The following PCDH11X variants were observed in gnomAD, a reference collection of about 807,000 sequenced individuals.
The protein encoded by PCDH11X is protocadherin-11 X-linked.
In PCDH11X, 18 loss-of-function variants were observed where a neutral mutation model predicts 53.3. That is an observed-to-expected ratio of 0.34 (90% CI 0.23 to 0.50). The LOEUF (loss-of-function observed/expected upper bound fraction) is 0.50. PCDH11X is among the 20% of genes least tolerant of loss of function. PCDH11X has a pLI of 0.98. For missense variants in PCDH11X, 570 were observed against 1,032.4 expected (o/e 0.55, Z 6.14); for synonymous variants, 279 against 393.3 (o/e 0.71, Z 3.44).
At chrX:91,799,327 T>C (rs1183761498) in intron 1 of PCDH11X, among the ~76,000 whole-genome samples, 1 of 111,811 alleles carries the variant, frequency 8.9e-6, no homozygotes, top group African/African-American at 3.2e-5. Flanking sequence ...CTAATTCTGT[T>C]AAGTAAAAGA....
intron 6 of PCDH11X, among the ~76,000 whole-genome samples, chrX:92,059,602 G>A (rs1399383133): frequency 3.6e-5 from 4 of 110,904 alleles, no homozygotes; most frequent in African/African-American, 1.3e-4. Flanking sequence ...AGAAATTCCA[G>A]CAACTAAATC....
chrX:92,440,178 T>C (rs1200126370), intron 9 of PCDH11X, among the ~76,000 whole-genome samples: 1 of 106,821 alleles, frequency 9.4e-6, no homozygotes, highest in Non-Finnish European at 1.9e-5. Context: ...TTAGAAGTTT[T>C]ATTTTAGATT....
At chrX:92,061,387 G>A (rs1489646712) in intron 6 of PCDH11X, among the ~76,000 whole-genome samples, 12 of 111,004 alleles carry the variant, frequency 1.1e-4, no homozygotes, top group African/African-American at 4.0e-4. Flanking sequence ...TTGGCGAATT[G>A]TAATAAAATC....
intron 8 of PCDH11X, among the ~76,000 whole-genome samples, chrX:92,316,210 T>C (rs2148487380): frequency 9.3e-6 from 1 of 107,691 alleles, no homozygotes; most frequent in Admixed American, 1.0e-4. Context: ...GGCAAATAAA[T>C]TATACATTAT....
rs762241751 is a variant in PCDH11X, at chrX:91,791,498, A to C, written c.-379+11814A>C. Among the ~76,000 whole-genome samples, 6 of 107,799 alleles carry C rather than the reference A, an allele frequency of 5.6e-5. No homozygotes were observed. In the South Asian group the frequency reaches 2.5e-3, roughly 45 times the overall value. The allele number at this position is 107,799 out of a possible 115,157, so 93.6% of individuals were successfully genotyped here. Reference sequence around the variant, plus strand: ...CTCACTCACTATCACAAGAACAGCAAGGGGAAAATCCACCCCCATGATCCT... The same window carrying C: ...CTCACTCACTATCACAAGAACAGCACGGGGAAAATCCACCCCCATGATCCT... On this transcript the variant is annotated intron_variant, in intron 1 of 10. Transcript: ENST00000682573.
chrX:92,435,506 A>T (rs1322427986), intron 9 of PCDH11X, among the ~76,000 whole-genome samples: 4 of 111,267 alleles, frequency 3.6e-5, no homozygotes, highest in African/African-American at 9.8e-5. Context: ...CTGAGGTCAA[A>T]ATGAAAGAAA....
chrX:91,888,943 ATATAT>A (rs764272832), intron 6 of PCDH11X, among the ~76,000 whole-genome samples: 6 of 111,753 alleles, frequency 5.4e-5, no homozygotes, highest in African/African-American at 1.3e-4. Flanking sequence ...CATTTCAATG[ATATAT>A]TATAACTAAA....
At chrX:92,302,226 C>A (rs1235820151) in intron 8 of PCDH11X, among the ~76,000 whole-genome samples, 1 of 111,138 alleles carries the variant, frequency 9.0e-6, no homozygotes, top group Non-Finnish European at 1.9e-5. Flanking sequence ...AAAGATAGCA[C>A]TCCCACTGGG....
intron 10 of PCDH11X, among the ~76,000 whole-genome samples, chrX:92,613,517 C>A (rs1345473995): frequency 2.1e-5 from 2 of 93,772 alleles, no homozygotes; most frequent in Non-Finnish European, 4.2e-5. Flanking sequence ...TCTCTAGTTG[C>A]CTTTAAGTTT....
At chrX:92,520,984 A>G (rs1872757875) in intron 10 of PCDH11X, among the ~76,000 whole-genome samples, 1 of 111,046 alleles carries the variant, frequency 9.0e-6, no homozygotes, top group African/African-American at 3.3e-5. Flanking sequence ...TTCTCTTGCT[A>G]TTTCTACCAC....
At chrX:91,855,731 A>G (rs1453807421) in intron 5 of PCDH11X, among the ~76,000 whole-genome samples, 25 of 110,607 alleles carry the variant, frequency 2.3e-4, no homozygotes, top group African/African-American at 7.6e-4. Context: ...GGATAAGTTA[A>G]TTCCTAGGTA....
At chrX:92,240,303 A>G (rs1289690164) in intron 7 of PCDH11X, among the ~76,000 whole-genome samples, 3 of 111,904 alleles carry the variant, frequency 2.7e-5, no homozygotes, top group Non-Finnish European at 5.6e-5. Flanking sequence ...TCCTTGATGC[A>G]CGGCTTTCAA....
At chrX:92,543,721 T>G (rs185633216) in intron 10 of PCDH11X, among the ~76,000 whole-genome samples, 1,955 of 105,367 alleles carry the variant, frequency 0.019, 14 homozygotes, top group Middle Eastern at 0.044. Context: ...GAGGTTGCAG[T>G]GAGCCGAGAT....
chrX:91,888,276 C>G (rs1277061670), intron 6 of PCDH11X, among the ~76,000 whole-genome samples: 1 of 111,737 alleles, frequency 8.9e-6, no homozygotes, highest in African/African-American at 3.2e-5. Context: ...TATCCCTTAT[C>G]CTAGAACCTT....
At chrX:92,556,626 G>C (rs1426530877) in intron 10 of PCDH11X, among the ~76,000 whole-genome samples, 1 of 112,054 alleles carries the variant, frequency 8.9e-6, no homozygotes, top group African/African-American at 3.2e-5. Flanking sequence ...GTAGGGTACA[G>C]CCCTGCTCTG....
At chrX:92,257,928 C>G (rs1049692542) in intron 7 of PCDH11X, among the ~76,000 whole-genome samples, 4 of 111,948 alleles carry the variant, frequency 3.6e-5, no homozygotes, top group Non-Finnish European at 5.6e-5. Flanking sequence ...AGGCAGTGCC[C>G]CAGAGGGGAC....
At chrX:92,127,598 G>A (rs1233715799) in intron 6 of PCDH11X, among the ~76,000 whole-genome samples, 1 of 99,642 alleles carries the variant, frequency 1.0e-5, no homozygotes, top group Non-Finnish European at 2.0e-5. Flanking sequence ...TCAGCTCACT[G>A]TAACCTCTGC....
chrX:92,546,785 A>G (rs1256423187), intron 10 of PCDH11X, among the ~76,000 whole-genome samples: 1 of 111,767 alleles, frequency 8.9e-6, no homozygotes, highest in Non-Finnish European at 1.9e-5. Context: ...TTACGCAAGT[A>G]TATTCCCTTT....
At chrX:92,314,747 T>C (rs1478642469) in intron 8 of PCDH11X, among the ~76,000 whole-genome samples, 1 of 110,399 alleles carries the variant, frequency 9.1e-6, no homozygotes, top group Non-Finnish European at 1.9e-5. Context: ...GACCAAAACA[T>C]TGAGCGGCAC....
Sources: allele counts gnomAD v4.1 joint callset (sites outside exome capture counted in the v4.1 genomes callset), GRCh38; gene constraint gnomAD v4.1.1; transcripts MANE v1.5; gene names NCBI Gene and HGNC (gene_info 2026-07-23, HGNC 2026-07-21).